AK9: variants seen among roughly 807,000 people sequenced by gnomAD.
AK9 encodes adenylate kinase 9, also known as adenylate kinase domain containing 1.
A neutral mutation model predicts 239.6 loss-of-function variants in AK9; 191 were observed. That is an observed-to-expected ratio of 0.80 (90% confidence interval 0.71 to 0.90). AK9 has a LOEUF of 0.90. Ranked by LOEUF, AK9 falls within the 40% of genes least tolerant of loss-of-function variation. AK9 has a pLI of 0.00. For missense variants in AK9, 1,995 were observed against 2,214.7 expected, an observed-to-expected ratio of 0.90 and a Z score of 1.99; for synonymous variants, 689 against 721.0, an observed-to-expected ratio of 0.96 and a Z score of 0.71.
At chr6:109,674,455 T>C (rs1382484603) in intron 2 of AK9, among the ~76,000 whole-genome samples, 194 bp from the exon 3 acceptor site, 2 of 152,164 alleles carry the variant, frequency 1.3e-5, no homozygotes, top group Non-Finnish European at 2.9e-5. Flanking sequence ...ATGTCACATC[T>C]CCTAAAGTAA....
intron 8 of AK9, among the ~76,000 whole-genome samples, chr6:109,647,185 G>A (rs186816508): frequency 2.6e-5 from 4 of 152,264 alleles, no homozygotes; most frequent in South Asian, 2.1e-4. Context: ...ATCAGCTAAC[G>A]AGCAAAATAA....
chr6:109,560,552 T>C (rs1785622665), intron 24 of AK9, among the ~76,000 whole-genome samples: 1 of 152,236 alleles, frequency 6.6e-6, no homozygotes, highest in Non-Finnish European at 1.5e-5. Flanking sequence ...TTTGTTAATA[T>C]GATGAATTAC....
intron 17 of AK9, among the ~76,000 whole-genome samples, chr6:109,593,176 A>G (rs1422255190): frequency 6.6e-6 from 1 of 152,048 alleles, no homozygotes; most frequent in African/African-American, 2.4e-5. Flanking sequence ...GTATTTTGCA[A>G]TTCCTTCAAT....
At chr6:109,663,142 G>GT (rs1001099961) in intron 5 of AK9, among the ~76,000 whole-genome samples, 2 of 152,088 alleles carry the variant, frequency 1.3e-5, no homozygotes, top group Admixed American at 6.5e-5. Context: ...ATAATTTTCT[G>GT]TTTTTTAAAC....
intron 10 of AK9, among the ~76,000 whole-genome samples, chr6:109,640,266 C>T (rs1797237686): frequency 6.6e-6 from 1 of 152,154 alleles, no homozygotes; most frequent in African/African-American, 2.4e-5. Context: ...TCCTGGTCTG[C>T]TGTTTGCTAA....
chr6:109,504,989 G>A (rs1041568121), intron 35 of AK9, among the ~76,000 whole-genome samples: 1 of 152,186 alleles, frequency 6.6e-6, no homozygotes, highest in Non-Finnish European at 1.5e-5. Context: ...CACAGCTTTC[G>A]CTTTCAAAGT....
intron 21 of AK9, among the ~76,000 whole-genome samples, chr6:109,571,505 A>T (rs1465844342): frequency 6.6e-6 from 1 of 152,190 alleles, no homozygotes; most frequent in Non-Finnish European, 1.5e-5. Flanking sequence ...CACCATTCTT[A>T]AAAAAGCTAA....
intron 1 of AK9, among the ~76,000 whole-genome samples, chr6:109,683,759 C>G (rs1773035291): frequency 6.6e-6 from 1 of 152,144 alleles, no homozygotes; most frequent in Non-Finnish European, 1.5e-5. Flanking sequence ...AGGACACAAA[C>G]AAATGGAAAA....
At chr6:109,557,363 G>C (rs770798022) in intron 24 of AK9, among the ~76,000 whole-genome samples, 1 of 152,114 alleles carries the variant, frequency 6.6e-6, no homozygotes, top group Admixed American at 6.5e-5. Flanking sequence ...ATGGGTGCCT[G>C]CTCCTTCTTC....
At chr6:109,506,591 A>T (rs1225189817) in intron 34 of AK9, 44 bp from the exon 35 acceptor site, 1 of 1,540,500 alleles carries the variant, frequency 6.5e-7, no homozygotes, top group Non-Finnish European at 8.8e-7. Context: ...TGTTAAAAAC[A>T]TATCTTTTCC....
chr6:109,619,335 T>G (rs1794553848), intron 12 of AK9, 99 bp from the exon 13 acceptor site: 1 of 1,261,914 alleles, frequency 7.9e-7, no homozygotes, highest in East Asian at 2.9e-5. Context: ...TATTTCTATC[T>G]CTATTCCAAA....
chr6:109,669,375 T>A (rs1239944994), intron 5 of AK9, among the ~76,000 whole-genome samples: 1 of 151,996 alleles, frequency 6.6e-6, no homozygotes, highest in Non-Finnish European at 1.5e-5. Context: ...TTGAATACCC[T>A]TTATTTCTTT....
intron 7 of AK9, among the ~76,000 whole-genome samples, 176 bp from the exon 8 acceptor site, chr6:109,657,060 A>G (rs1388175297): frequency 2.6e-5 from 4 of 152,214 alleles, no homozygotes; most frequent in Non-Finnish European, 5.9e-5. Flanking sequence ...ACGGGTCTTC[A>G]TCAGATGGAA....
At chr6:109,597,941 G>C (rs2128225389) in intron 17 of AK9, among the ~76,000 whole-genome samples, 1 of 152,122 alleles carries the variant, frequency 6.6e-6, no homozygotes, top group Admixed American at 6.5e-5. Flanking sequence ...GATAAAATCT[G>C]CTCACATCCC....
chr6:109,588,827 TG>T (rs1789859184), intron 17 of AK9, among the ~76,000 whole-genome samples: 1 of 152,184 alleles, frequency 6.6e-6, no homozygotes, highest in African/African-American at 2.4e-5. Context: ...ATTTATTGAA[TG>T]GGTGTCCTTT....
At chr6:109,610,217 T>A in intron 17 of AK9, 148 bp downstream of exon 17, 1 of 1,011,148 alleles carries the variant, frequency 9.9e-7, no homozygotes, top group Non-Finnish European at 1.4e-6. Context: ...ACTTCGCACT[T>A]AACAATGCTG....
intron 17 of AK9, among the ~76,000 whole-genome samples, chr6:109,590,748 A>C (rs1376911330): frequency 6.6e-6 from 1 of 152,132 alleles, no homozygotes; most frequent in Non-Finnish European, 1.5e-5. Context: ...CAAAACTTTA[A>C]AAAATTTCCA....
intron 17 of AK9, among the ~76,000 whole-genome samples, chr6:109,601,707 G>T (rs971681132): frequency 4.6e-5 from 7 of 152,082 alleles, no homozygotes; most frequent in African/African-American, 1.7e-4. Flanking sequence ...TTATTGTGTG[G>T]GAGTCTAAGT....
At chr6:109,509,138 T>C (rs1015533688) in intron 33 of AK9, 41 bp downstream of exon 33, 2 of 1,520,278 alleles carry the variant, frequency 1.3e-6, no homozygotes, top group East Asian at 4.9e-5. Context: ...TCTTGAAAGA[T>C]TTAACTCCCT....
Sources: allele counts gnomAD v4.1 joint callset (sites outside exome capture counted in the v4.1 genomes callset), GRCh38; gene constraint gnomAD v4.1.1; transcripts MANE v1.5; gene names NCBI Gene and HGNC (gene_info 2026-07-23, HGNC 2026-07-21).